ABCA1: variants seen among roughly 807,000 people sequenced by gnomAD.
ABCA1 encodes the protein phospholipid-transporting ATPase ABCA1.
In ABCA1, 133 loss-of-function variants were observed where a neutral mutation model predicts 262.5. The ratio of observed to expected loss-of-function variants is 0.51; its 90% CI spans 0.44 to 0.59. The LOEUF is 0.59. Ranked by LOEUF, ABCA1 falls within the 20% of genes least tolerant of loss-of-function variation. The probability of loss-of-function intolerance (pLI) is 0.00; values close to 1 mark genes in which losing one functional copy is unlikely to be tolerated. For synonymous variants in ABCA1, 1,022 were observed against 1,043.5 expected (o/e 0.98, Z 0.40); for missense variants, 2,452 against 2,777.5 (o/e 0.88, Z 2.63).
intron 2 of ABCA1, among the ~76,000 whole-genome samples, chr9:104,890,659 G>A (rs977104223): frequency 6.0e-5 from 9 of 151,204 alleles, no homozygotes; most frequent in South Asian, 2.1e-4. Flanking sequence ...GGTACGATCC[G>A]GAGATCATAG....
At chr9:104,790,239 G>C (rs1341055781) in intron 44 of ABCA1, among the ~76,000 whole-genome samples, 1 of 152,144 alleles carries the variant, frequency 6.6e-6, no homozygotes, top group Non-Finnish European at 1.5e-5. Context: ...CCTAACGGTG[G>C]CTCAGTCAAT....
intron 5 of ABCA1, among the ~76,000 whole-genome samples, chr9:104,870,274 T>C (rs1416724917): frequency 1.3e-5 from 2 of 152,228 alleles, no homozygotes; most frequent in Non-Finnish European, 2.9e-5. Context: ...AAAGGGATAA[T>C]ATTTTTCTCA....
intron 2 of ABCA1, among the ~76,000 whole-genome samples, chr9:104,901,225 G>A (rs1840642913): frequency 6.6e-6 from 1 of 152,176 alleles, no homozygotes. Context: ...GTTTGGAGGA[G>A]GGAAGAAAAG....
At chr9:104,890,773 A>G (rs542711446) in intron 2 of ABCA1, among the ~76,000 whole-genome samples, 2 of 152,182 alleles carry the variant, frequency 1.3e-5, no homozygotes, top group African/African-American at 2.4e-5. Context: ...CAAAGCAGAA[A>G]TTTTTTCTTG....
In ABCA1 at chr9:104,793,094, C is replaced by T. The variant is rs1588209507; in HGVS notation, c.5636+77G>A. ...TTTGAGTTCAGTTCAATGCAACCCC[C>T]ATTGGTGAGTGTTTCCCTGTGCGCC... On this transcript the variant is annotated intron_variant, in intron 41 of 49. Coordinates refer to ENST00000374736, the MANE Select transcript of ABCA1 (RefSeq NM_005502.4). 4 of 1,600,490 alleles carry T rather than the reference C, an allele frequency of 2.5e-6. No homozygotes were observed. In the South Asian group the frequency reaches 4.4e-5, roughly 18 times the overall value.
intron 5 of ABCA1, among the ~76,000 whole-genome samples, chr9:104,862,080 A>C (rs1836461057): frequency 6.7e-6 from 1 of 149,956 alleles, no homozygotes; most frequent in Non-Finnish European, 1.5e-5. Flanking sequence ...ACACACATAC[A>C]CACACACACA....
chr9:104,804,972 G>T (rs1467873231), intron 31 of ABCA1, among the ~76,000 whole-genome samples: 2 of 152,184 alleles, frequency 1.3e-5, no homozygotes, highest in African/African-American at 4.8e-5. Context: ...ATTGAAATGA[G>T]ATTCTTTGTA....
chr9:104,819,791 A>C, intron 21 of ABCA1, 68 bp from the exon 22 acceptor site: 4 of 1,612,938 alleles, frequency 2.5e-6, no homozygotes, highest in Non-Finnish European at 2.5e-6. Context: ...CAGAGGACCT[A>C]GGGGCACAGC....
Position 104,785,520 on chromosome 9 carries a change from T to G in ABCA1, c.6521A>C (p.Asn2174Thr), listed in dbSNP as rs1828847637. The change falls in exon 49 of 50, where the codon AAC (asparagine) becomes ACC (threonine). Residue 2174 changes from asparagine (N) to threonine (T), a missense_variant. By Grantham distance (65) the Asn-to-Thr change is moderately conservative. This residue lies in a region of ABCA1 where 752 missense variants were observed against 944.5 expected (regional missense o/e 0.80). Coordinates refer to ENST00000374736, the MANE Select transcript of ABCA1 (RefSeq NM_005502.4). ...PGSVLKEKHRNMLQYQLPSSL... is the reference protein window; with the variant it reads ...PGSVLKEKHRTMLQYQLPSSL... Reference sequence around the variant, plus strand: ...AGATGGAAGCTGGTATTGTAGCATGTTCCGGTGTTTCTCTTTTAGAACACT... The same window carrying G: ...AGATGGAAGCTGGTATTGTAGCATGGTCCGGTGTTTCTCTTTTAGAACACT... 1.3e-5 allele frequency: 21 copies of G among 1,614,170 alleles called. No homozygotes were observed. The highest frequency in any genetic ancestry group is 1.7e-5 in the Non-Finnish European group (20 of 1,180,000).
rs1300879859 is a variant in ABCA1, at chr9:104,816,293, C to A, written c.3588G>T (p.Leu1196=). ...TCAGCTCATGCCCTATGTCTTCCAC[C>A]AGCCGGGCTTCAGACACATGCTTCC... is the stretch of plus-strand genomic sequence containing the variant. ...LIRKHVSEAR[L]VEDIGHELTY... is the part of the protein sequence containing the mutation. The change falls in exon 25 of 50, where the codon CTG becomes CTT. Residue 1196 remains leucine, a synonymous_variant. Coordinates refer to ENST00000374736, the MANE Select transcript of ABCA1 (RefSeq NM_005502.4). The A allele has an allele frequency of 6.2e-7, 1 of 1,614,086 alleles. No individual in the cohort carries two copies. The highest frequency in any genetic ancestry group is 8.5e-7 in the Non-Finnish European group (1 of 1,180,018).
rs13306068 is a variant in ABCA1 at position 104,831,701 on chromosome 9, T to C, written c.1636A>G (p.Ile546Val). The C allele has an allele frequency of 2.3e-5, 37 of 1,613,914 alleles. No homozygotes were observed. The East Asian group carries it at 8.2e-4, about 36-fold the overall frequency. ...IVFTGITPGSIELPHHVKYKI... is the reference protein window; with the variant it reads ...IVFTGITPGSVELPHHVKYKI... ...TACTTGACATGATGGGGCAGCTCAA[T>C]GCTGCCTGGAGTAATTCCAGTGAAC... is the stretch of plus-strand genomic sequence containing the variant. The change falls in exon 13 of 50, where the codon ATT becomes GTT. Residue 546 changes from isoleucine (I) to valine (V), a missense_variant. Ile to Val is a conservative substitution (Grantham distance 29). This residue lies in a region of ABCA1 where 1,032 missense variants were observed against 1,089.7 expected (regional missense o/e 0.95). Transcript: ENST00000374736.
intron 5 of ABCA1, among the ~76,000 whole-genome samples, chr9:104,864,824 G>A (rs373259696): frequency 5.9e-5 from 9 of 152,210 alleles, no homozygotes; most frequent in African/African-American, 1.9e-4. Context: ...ACCAGTGAGT[G>A]TGCTCAGCAT....
At chr9:104,823,129 G>A (rs1832517697) in intron 18 of ABCA1, among the ~76,000 whole-genome samples, 1 of 151,860 alleles carries the variant, frequency 6.6e-6, no homozygotes, top group Non-Finnish European at 1.5e-5. Context: ...TAACATTCTA[G>A]AAATAATAAA....
chr9:104,814,583 A>G, intron 25 of ABCA1, 108 bp from the exon 26 acceptor site: 1 of 1,097,512 alleles, frequency 9.1e-7, no homozygotes, highest in Non-Finnish European at 1.4e-6. Context: ...CGTAAGACAG[A>G]GAAAGTAGAA....
At chr9:104,866,523 C>T (rs568665240) in intron 5 of ABCA1, among the ~76,000 whole-genome samples, 2 of 151,932 alleles carry the variant, frequency 1.3e-5, no homozygotes, top group South Asian at 2.1e-4. Flanking sequence ...CCCTTTCACC[C>T]AGGCTGGAGT....
chr9:104,862,661 G>GCCCCCC (rs1466207211), intron 5 of ABCA1, among the ~76,000 whole-genome samples: 1 of 2,516 alleles, frequency 4.0e-4, no homozygotes. Flanking sequence ...GGCCGGGCCG[G>GCCCCCC]GCCGGGCCGG....
intron 33 of ABCA1, among the ~76,000 whole-genome samples, chr9:104,803,056 G>C (rs919405315): frequency 6.6e-6 from 1 of 152,146 alleles, no homozygotes; most frequent in Non-Finnish European, 1.5e-5. Context: ...GGGCTGCTGG[G>C]CACTGAGCCA....
rs375055686 is a variant in ABCA1, at chr9:104,796,299, G to A, written c.5237+10C>T. ...CCACTGTGCAGCTCCCTCACTCAGA[G>A]GTGACTTACCCATACAGCAAAAGTA... On this transcript the variant is annotated intron_variant, in intron 38 of 49. Coordinates refer to ENST00000374736, the MANE Select transcript of ABCA1 (RefSeq NM_005502.4). The A allele has an allele frequency of 4.3e-6, 7 of 1,613,940 alleles. No homozygotes were observed. The highest frequency in any genetic ancestry group is 2.7e-5 in the African/African-American group (2 of 74,936).
At chr9:104,889,752 G>A (rs1839545530) in intron 2 of ABCA1, among the ~76,000 whole-genome samples, 3 of 152,124 alleles carry the variant, frequency 2.0e-5, no homozygotes, top group Admixed American at 1.3e-4. Context: ...TCCTCTAATT[G>A]CACACAAAGC....
Sources: gnomAD v4.1 joint callset for allele counts (sites outside exome capture counted in the v4.1 genomes callset) on GRCh38, gnomAD v4.1.1 for gene constraint, gnomAD v4.1.1 regional missense constraint, MANE v1.5 for transcripts, NCBI Gene and HGNC (gene_info 2026-07-23, HGNC 2026-07-21) for gene names.